The following MCCC2 variants were observed in gnomAD, a reference collection of about 807,000 sequenced individuals.
MCCC2 encodes methylcrotonyl-CoA carboxylase subunit 2.
A neutral mutation model predicts 77.2 loss-of-function variants in MCCC2; 52 were observed. The ratio of observed to expected loss-of-function variants is 0.67; its 90% confidence interval spans 0.54 to 0.85. MCCC2 has a LOEUF of 0.85. Ranked by LOEUF, MCCC2 falls within the 40% of genes least tolerant of loss-of-function variation. MCCC2 has a pLI of 0.00. For missense variants in MCCC2, 682 were observed against 703.2 expected (o/e 0.97, Z 0.34); for synonymous variants, 253 against 248.4 (o/e 1.02, Z -0.18).
At chr5:71,641,397 A>G (rs1250922044) in intron 11 of MCCC2, 1 of 332,434 alleles carries the variant, frequency 3.0e-6, no homozygotes, top group East Asian at 7.8e-5. Context: ...TTTCTGGATA[A>G]CAATAATTAT....
chr5:71,637,860 C>G (rs1350173925), intron 10 of MCCC2, among the ~76,000 whole-genome samples: 1 of 152,108 alleles, frequency 6.6e-6, no homozygotes, highest in Non-Finnish European at 1.5e-5. Context: ...CTACAGGTGC[C>G]CGCCACTGCG....
chr5:71,613,834 C>T (rs979095258), intron 6 of MCCC2, among the ~76,000 whole-genome samples: 2 of 151,728 alleles, frequency 1.3e-5, no homozygotes, highest in African/African-American at 4.8e-5. Context: ...TCACACATAG[C>T]CGGACATCTT....
At position 71,597,635 on chromosome 5, in the gene MCCC2, A is replaced by G. The variant is rs541801888; in HGVS notation, c.281+1271A>G. On this transcript the variant is annotated intron_variant, in intron 3 of 16. Coordinates refer to ENST00000340941, the MANE Select transcript of MCCC2 (RefSeq NM_022132.5). ...GGATTGGATATGGAGTGTAAGGGGG[A>G]GAAGAGGGGTAAGTGAAAACTCCCA... Among the ~76,000 whole-genome samples, 340 of 152,102 alleles carry G rather than the reference A, an allele frequency of 2.2e-3. 2 individuals carry two copies. Among genetic ancestry groups the G allele is most frequent in the African/African-American group, 7.9e-3 (326 of 41,468 alleles).
In MCCC2 at chr5:71,603,999, A is replaced by T. The variant is rs189543363; in HGVS notation, c.512-357A>T. On this transcript the variant is annotated intron_variant, in intron 5 of 16. Transcript: ENST00000340941. ...GAAGGCAATATGTATAAATTATTATATGAATTCTGTGGATGGCTTTTGTAT... is the reference window on the plus strand; with the variant it reads ...GAAGGCAATATGTATAAATTATTATTTGAATTCTGTGGATGGCTTTTGTAT... 2.6e-5 allele frequency among the ~76,000 whole-genome samples: 4 copies of T among 152,336 alleles called. No individual in the cohort carries two copies. The East Asian group carries it at 7.7e-4, about 29-fold the overall frequency.
At position 71,599,687 on chromosome 5, in the gene MCCC2, G is replaced by A; in HGVS notation, c.310G>A (p.Ala104Thr). The change falls in exon 4 of 17, where the codon GCA (alanine) becomes ACA (threonine). Residue 104 changes from alanine (A) to threonine (T), a missense_variant. Physicochemically the swap from Ala to Thr is moderately conservative, Grantham distance 58. Transcript: ENST00000340941. ...GSPFLELSQFAGYQLYDNEEV... is the reference protein window; with the variant it reads ...GSPFLELSQFTGYQLYDNEEV... ...TCCATTTCTGGAATTATCCCAGTTT[G>A]CAGGTTACCAGTTATATGACAATGA... 6.2e-7 allele frequency: 1 copy of A among 1,614,046 alleles called. No homozygotes were observed. The highest frequency in any genetic ancestry group is 8.5e-7 in the Non-Finnish European group (1 of 1,179,966).
At chr5:71,622,476 T>C (rs1383395796) in intron 6 of MCCC2, among the ~76,000 whole-genome samples, 1 of 152,204 alleles carries the variant, frequency 6.6e-6, no homozygotes, top group Non-Finnish European at 1.5e-5. Context: ...AACTTACCCA[T>C]TTGATGTGTA....
At chr5:71,644,609 A>G (rs1156716848) in intron 12 of MCCC2, among the ~76,000 whole-genome samples, 1 of 152,156 alleles carries the variant, frequency 6.6e-6, no homozygotes, top group Admixed American at 6.5e-5. Context: ...TACTTATTTG[A>G]TAAAAATGTC....
At chr5:71,621,853 CAAT>C (rs1321998503) in intron 6 of MCCC2, among the ~76,000 whole-genome samples, 1 of 151,666 alleles carries the variant, frequency 6.6e-6, no homozygotes, top group African/African-American at 2.4e-5. Context: ...TGACTGTAGT[CAAT>C]AATAATAACA....
At chr5:71,634,156 C>T (rs1438027741) in intron 8 of MCCC2, among the ~76,000 whole-genome samples, 2 of 152,198 alleles carry the variant, frequency 1.3e-5, no homozygotes, top group Non-Finnish European at 2.9e-5. Flanking sequence ...GTATTTTTGA[C>T]TGACTTTACA....
At chr5:71,646,330 C>T in intron 13 of MCCC2, 53 bp downstream of exon 13, 1 of 1,519,104 alleles carries the variant, frequency 6.6e-7, no homozygotes, top group South Asian at 1.1e-5. Flanking sequence ...GCTGTACCAT[C>T]AGTGTGGCTC....
At chr5:71,645,973 G>T (rs1183688561) in intron 12 of MCCC2, among the ~76,000 whole-genome samples, 2 of 151,956 alleles carry the variant, frequency 1.3e-5, no homozygotes, top group African/African-American at 4.8e-5. Flanking sequence ...GAGACAGGAG[G>T]ATTGCTTGAG....
At chr5:71,654,184 A>T (rs1224717201) in intron 16 of MCCC2, among the ~76,000 whole-genome samples, 1 of 152,134 alleles carries the variant, frequency 6.6e-6, no homozygotes, top group Non-Finnish European at 1.5e-5. Flanking sequence ...TTTTGTAGAG[A>T]TGGGGTTTCA....
chr5:71,602,118 T>G (rs1745459087), intron 4 of MCCC2, among the ~76,000 whole-genome samples: 1 of 152,078 alleles, frequency 6.6e-6, no homozygotes, highest in African/African-American at 2.4e-5. Context: ...ACTTTGAAGG[T>G]TTATTATGAG....
At chr5:71,589,164 GA>G (rs1561814755) in intron 1 of MCCC2, among the ~76,000 whole-genome samples, 1 of 152,168 alleles carries the variant, frequency 6.6e-6, no homozygotes, top group Non-Finnish European at 1.5e-5. Flanking sequence ...AGTGGAAGGG[GA>G]AAATGGATGA....
chr5:71,658,588 A>C lies in MCCC2; in HGVS notation c.*1728A>C, dbSNP rs1747646046. ...AGGTGCTCAAATATTCGTTGAATGA[A>C]TGAAAAATCCATATTGTAATTGATG... On this transcript the variant is annotated 3_prime_UTR_variant, in exon 17 of 17. Coordinates refer to ENST00000340941, the MANE Select transcript of MCCC2 (RefSeq NM_022132.5). The C allele has an allele frequency of 6.6e-6, 1 of 152,232 alleles. No individual in the cohort carries two copies. The highest frequency in any genetic ancestry group is 2.4e-5 in the African/African-American group (1 of 41,464). The allele number at this position is 152,232 out of a possible 1,614,324, so 9.4% of individuals were successfully genotyped here.
Position 71,613,084 on chromosome 5 carries a change from C to T in MCCC2, c.624+8616C>T, listed in dbSNP as rs796188626. ...GACCTTCTCTGGGTATCTGGGTCTT[C>T]TCCTTCTCTATCTTATAAGAACACT... On this transcript the variant is annotated intron_variant, in intron 6 of 16. Coordinates refer to ENST00000340941, the MANE Select transcript of MCCC2 (RefSeq NM_022132.5). Among the ~76,000 whole-genome samples, 68 of 152,334 alleles carry T rather than the reference C, an allele frequency of 4.5e-4. 1 individual carries two copies. Among genetic ancestry groups the T allele is most frequent in the African/African-American group, 1.6e-3 (67 of 41,574 alleles).
At chr5:71,635,961 C>T (rs1746913027) in intron 10 of MCCC2, 1 of 170,710 alleles carries the variant, frequency 5.9e-6, no homozygotes, top group African/African-American at 2.4e-5. Context: ...TAATTCCACC[C>T]TCTAGAGAAG....
intron 6 of MCCC2, among the ~76,000 whole-genome samples, chr5:71,610,398 G>A (rs1745884611): frequency 6.6e-6 from 1 of 152,164 alleles, no homozygotes; most frequent in South Asian, 2.1e-4. Flanking sequence ...CGCTTCCCAA[G>A]TGAGGCAATG....
At chr5:71,635,636 C>G (rs1746889248) in intron 10 of MCCC2, 2 of 351,522 alleles carry the variant, frequency 5.7e-6, no homozygotes, top group South Asian at 2.3e-5. Context: ...AAAAAACATA[C>G]CCTTTTAGAT....
Sources: allele counts gnomAD v4.1 joint callset (sites outside exome capture counted in the v4.1 genomes callset), GRCh38; gene constraint gnomAD v4.1.1; transcripts MANE v1.5; gene names NCBI Gene and HGNC (gene_info 2026-07-23, HGNC 2026-07-21).